Variants in MAML3 observed in about 807,000 individuals in gnomAD.
MAML3 encodes mastermind like transcriptional coactivator 3.
A neutral mutation model predicts 101.9 loss-of-function variants in MAML3; 27 were observed. The observed-to-expected ratio is 0.27, with a 90% confidence interval of 0.20 to 0.37. The LOEUF is 0.37. Ranked by LOEUF, MAML3 falls within the 10% of genes least tolerant of loss-of-function variation. The probability of loss-of-function intolerance (pLI) is 1.00; values close to 1 mark genes in which losing one functional copy is unlikely to be tolerated. For synonymous variants in MAML3, 501 were observed against 555.9 expected (o/e 0.90, Z 1.39); for missense variants, 1,316 against 1,444.9 (o/e 0.91, Z 1.45).
rs1182443191 is a variant in MAML3, at chr4:139,885,932, CAA to C, written c.2079+3423_2079+3424del. On this transcript the variant is annotated intron_variant, in intron 2 of 4. Transcript: ENST00000509479. The stretch of plus-strand genomic sequence containing the variant: ...TGGGCGACAGGGCAAGACTCCGTCT[CAA>C]AAAAAAAAAAAAAAAAAAAAAAAGA... Among the ~76,000 whole-genome samples the C allele has an allele frequency of 3.0e-4, 6 of 20,300 alleles. No individual in the cohort carries two copies. The East Asian group carries it at 0.017, about 57-fold the overall frequency. The allele number at this position is 20,300 out of a possible 152,430, so 13.3% of individuals were successfully genotyped here.
chr4:139,845,398 A>G (rs2111149478), intron 2 of MAML3, among the ~76,000 whole-genome samples: 1 of 152,348 alleles, frequency 6.6e-6, no homozygotes, highest in South Asian at 2.1e-4. Flanking sequence ...AATCAGGTCA[A>G]ACTGGCAGAG....
chr4:140,151,555 G>T (rs1185068799), intron 1 of MAML3, among the ~76,000 whole-genome samples: 1 of 152,160 alleles, frequency 6.6e-6, no homozygotes, highest in East Asian at 1.9e-4. Flanking sequence ...ACCGCACGAC[G>T]GGAGGGCCGC....
At chr4:139,929,447 T>C (rs182418685) in intron 1 of MAML3, among the ~76,000 whole-genome samples, 37 of 152,324 alleles carry the variant, frequency 2.4e-4, no homozygotes, top group African/African-American at 8.7e-4. Context: ...ACTCCGAGGC[T>C]TTTACAACAG....
intron 1 of MAML3, among the ~76,000 whole-genome samples, chr4:139,940,317 T>C (rs1226148368): frequency 6.6e-6 from 1 of 152,194 alleles, no homozygotes; most frequent in East Asian, 1.9e-4. Context: ...TTTCTCTACG[T>C]GTATCCTACC....
intron 2 of MAML3, among the ~76,000 whole-genome samples, chr4:139,856,755 A>C (rs1731670331): frequency 6.6e-6 from 1 of 152,222 alleles, no homozygotes. Flanking sequence ...GTCCCATTCT[A>C]TGCACCAAAA....
At position 139,899,827 on chromosome 4, in the gene MAML3, G is replaced by T. The variant is rs137938021; in HGVS notation, c.469-8860C>A. On this transcript the variant is annotated intron_variant, in intron 1 of 4. Transcript: ENST00000509479. ...TATATCACATATAATATTGCCATAAGAGCCAAGTGTTTAAAACCTCTGCTT... is the reference window on the plus strand; with the variant it reads ...TATATCACATATAATATTGCCATAATAGCCAAGTGTTTAAAACCTCTGCTT... Among the ~76,000 whole-genome samples, 4 of 152,172 alleles carry T rather than the reference G, an allele frequency of 2.6e-5. No individual in the cohort carries two copies. In the East Asian group the frequency reaches 7.7e-4, roughly 29 times the overall value.
chr4:139,750,617 T>A (rs887169620), intron 2 of MAML3, among the ~76,000 whole-genome samples: 7 of 152,216 alleles, frequency 4.6e-5, no homozygotes, highest in Admixed American at 3.9e-4. Flanking sequence ...GTTCACTCTG[T>A]CTGACCCCAG....
chr4:139,939,677 A>G (rs1733563765), intron 1 of MAML3, among the ~76,000 whole-genome samples: 1 of 151,212 alleles, frequency 6.6e-6, no homozygotes, highest in African/African-American at 2.4e-5. Context: ...TCAACTATAC[A>G]TTCCGTGAGG....
intron 1 of MAML3, among the ~76,000 whole-genome samples, chr4:139,899,216 A>G (rs1288795574): frequency 6.6e-6 from 1 of 152,154 alleles, no homozygotes; most frequent in Non-Finnish European, 1.5e-5. Context: ...TTAAGTATGC[A>G]TACACATACA....
At chr4:140,108,368 G>T (rs2111007555) in intron 1 of MAML3, among the ~76,000 whole-genome samples, 1 of 151,902 alleles carries the variant, frequency 6.6e-6, no homozygotes. Context: ...GTCATTTAAT[G>T]CTTCCCTGAG....
chr4:140,067,757 T>C (rs2110947535), intron 1 of MAML3, among the ~76,000 whole-genome samples: 1 of 149,316 alleles, frequency 6.7e-6, no homozygotes, highest in East Asian at 2.0e-4. Context: ...GAGATGGAGC[T>C]TCACTCCTGT....
chr4:140,098,970 C>A (rs1295296922), intron 1 of MAML3, among the ~76,000 whole-genome samples: 1 of 152,156 alleles, frequency 6.6e-6, no homozygotes, highest in Non-Finnish European at 1.5e-5. Flanking sequence ...CTCCCCATTG[C>A]TTCCCAGCCC....
intron 2 of MAML3, among the ~76,000 whole-genome samples, chr4:139,861,051 T>C (rs180757546): frequency 6.6e-6 from 1 of 152,116 alleles, no homozygotes; most frequent in Non-Finnish European, 1.5e-5. Flanking sequence ...CATCTGTATA[T>C]ACTAAAAGAT....
chr4:139,736,511 A>G (rs1728953420), intron 2 of MAML3, among the ~76,000 whole-genome samples: 1 of 152,076 alleles, frequency 6.6e-6, no homozygotes, highest in Non-Finnish European at 1.5e-5. Flanking sequence ...AATGAAAACC[A>G]TACTCATAAG....
rs1019327724 is a variant in MAML3 at position 140,093,123 on chromosome 4, G to C, written c.468+59737C>G. Among the ~76,000 whole-genome samples, 7 of 152,116 alleles carry C rather than the reference G, an allele frequency of 4.6e-5. No homozygotes were observed. In the South Asian group the frequency reaches 8.3e-4, roughly 18 times the overall value. On this transcript the variant is annotated intron_variant, in intron 1 of 4. Coordinates refer to ENST00000509479, the MANE Select transcript of MAML3 (RefSeq NM_018717.5). ...ATGTTGTTCACCCATCTATAACTTGGCCCCAAAGTGTGAGGAACATATGAA... is the reference window on the plus strand; with the variant it reads ...ATGTTGTTCACCCATCTATAACTTGCCCCCAAAGTGTGAGGAACATATGAA...
rs1246049812 is a variant in MAML3, at chr4:139,986,858, G to C, written c.469-95891C>G. Among the ~76,000 whole-genome samples, 23 of 152,188 alleles carry C rather than the reference G, an allele frequency of 1.5e-4. 1 individual carries two copies. The highest frequency in any genetic ancestry group is 1.5e-3 in the Admixed American group (23 of 15,272). On this transcript the variant is annotated intron_variant, in intron 1 of 4. Transcript: ENST00000509479. ...GCCTGGTGGGGTTGGATAGCATGTG[G>C]CTGATAGGTCTCAGGAGATGAGGAA...
intron 1 of MAML3, among the ~76,000 whole-genome samples, chr4:140,082,420 G>A (rs537790923): frequency 2.0e-5 from 3 of 152,308 alleles, no homozygotes; most frequent in Non-Finnish European, 4.4e-5. Flanking sequence ...AGGTGGGCCT[G>A]CAGTACTGGC....
intron 1 of MAML3, among the ~76,000 whole-genome samples, chr4:139,979,442 T>C (rs1432604161): frequency 6.6e-6 from 1 of 152,186 alleles, no homozygotes; most frequent in Non-Finnish European, 1.5e-5. Context: ...GCTCCTTCTA[T>C]ACTGTCCACA....
chr4:139,872,981 T>C (rs1301658839), intron 2 of MAML3, among the ~76,000 whole-genome samples: 1 of 152,072 alleles, frequency 6.6e-6, no homozygotes, highest in African/African-American at 2.4e-5. Flanking sequence ...CTCAGGAGAC[T>C]GAGGCAGGAA....
Sources: gnomAD v4.1 joint callset for allele counts (sites outside exome capture counted in the v4.1 genomes callset) on GRCh38, gnomAD v4.1.1 for gene constraint, MANE v1.5 for transcripts, NCBI Gene and HGNC (gene_info 2026-07-23, HGNC 2026-07-21) for gene names.